IKZF3: variants seen among roughly 807,000 people sequenced by gnomAD.
IKZF3 encodes zinc finger protein Aiolos.
A neutral mutation model predicts 49.0 loss-of-function variants in IKZF3; 10 were observed. That is an observed-to-expected ratio of 0.20 (90% CI 0.13 to 0.35). The LOEUF (loss-of-function observed/expected upper bound fraction) is 0.35, where lower values mean the gene tolerates loss of function less well. Among genes scored for constraint, IKZF3 ranks in the 10% least tolerant of loss-of-function variants. The pLI, the probability that IKZF3 is intolerant of heterozygous loss-of-function variation, is 1.00. For synonymous variants in IKZF3, 209 were observed against 228.2 expected, an observed-to-expected ratio of 0.92 and a Z score of 0.76; for missense variants, 498 against 664.8, an observed-to-expected ratio of 0.75 and a Z score of 2.76.
At chr17:39,840,389 T>A (rs2062431958) in intron 1 of IKZF3, among the ~76,000 whole-genome samples, 1 of 152,218 alleles carries the variant, frequency 6.6e-6, no homozygotes, top group African/African-American at 2.4e-5. Context: ...AACAGGCTGC[T>A]TTTGGTCATT....
At chr17:39,797,727 C>T (rs2061208016) in intron 3 of IKZF3, among the ~76,000 whole-genome samples, 1 of 152,004 alleles carries the variant, frequency 6.6e-6, no homozygotes, top group East Asian at 1.9e-4. Flanking sequence ...CCGGCCCCTG[C>T]ACTCCTATTT....
Position 39,843,619 on chromosome 17 carries a change from A to C in IKZF3, c.8-11468T>G, listed in dbSNP as rs116264225. Among the ~76,000 whole-genome samples, 1,262 of 152,212 alleles carry C rather than the reference A, an allele frequency of 8.3e-3. 16 individuals are homozygous for C. Among genetic ancestry groups the C allele is most frequent in the African/African-American group, 0.029 (1,206 of 41,522 alleles). Reference sequence around the variant, plus strand: ...CATTTAAATAGCTCTCAATATTTTTAAAGTGTCCTTTGTGTACTGTAAATA... The same window carrying C: ...CATTTAAATAGCTCTCAATATTTTTCAAGTGTCCTTTGTGTACTGTAAATA... On this transcript the variant is annotated intron_variant, in intron 1 of 7. Coordinates refer to ENST00000346872, the MANE Select transcript of IKZF3 (RefSeq NM_012481.5).
At chr17:39,814,112 C>T (rs12943633) in intron 3 of IKZF3, among the ~76,000 whole-genome samples, 18,366 of 152,028 alleles carry the variant, frequency 0.12, 1,671 homozygotes, top group African/African-American at 0.25. Flanking sequence ...CAAAAGGGAC[C>T]GAGACTATGC....
At chr17:39,842,720 T>TA (rs1555640912) in intron 1 of IKZF3, among the ~76,000 whole-genome samples, 1 of 152,196 alleles carries the variant, frequency 6.6e-6, no homozygotes, top group Non-Finnish European at 1.5e-5. Flanking sequence ...AATAAATGAA[T>TA]AAATTAAAAG....
At chr17:39,815,257 G>A (rs983496644) in intron 3 of IKZF3, among the ~76,000 whole-genome samples, 3 of 152,338 alleles carry the variant, frequency 2.0e-5, no homozygotes, top group South Asian at 2.1e-4. Context: ...ACAAAAAGTC[G>A]CAAGAGTTCT....
intron 3 of IKZF3, among the ~76,000 whole-genome samples, chr17:39,817,169 C>T (rs6503523): frequency 1 from 152,053 of 152,348 alleles, 75,879 homozygotes; most frequent in Middle Eastern, 1. Flanking sequence ...AAATTTTCTA[C>T]AAAACAATTT....
Position 39,820,155 on chromosome 17 carries a change from G to A in IKZF3, c.163+9232C>T, listed in dbSNP as rs1420238303. 3.3e-5 allele frequency among the ~76,000 whole-genome samples: 5 copies of A among 152,190 alleles called. No individual in the cohort carries two copies. The East Asian group carries it at 9.6e-4, about 29-fold the overall frequency. Reference sequence around the variant, plus strand: ...AAATAGCCCAAGAAGGCTGGAAGGAGAGTAGACACTAAACAAAACTCCAAA... The same window carrying A: ...AAATAGCCCAAGAAGGCTGGAAGGAAAGTAGACACTAAACAAAACTCCAAA... On this transcript the variant is annotated intron_variant, in intron 3 of 7. Transcript: ENST00000346872.
intron 3 of IKZF3, among the ~76,000 whole-genome samples, chr17:39,808,318 C>T (rs749231793): frequency 2.6e-5 from 4 of 152,166 alleles, no homozygotes; most frequent in Non-Finnish European, 4.4e-5. Context: ...AGGGCACCCG[C>T]TACTTGACAG....
intron 1 of IKZF3, among the ~76,000 whole-genome samples, chr17:39,840,166 T>C (rs1238316797): frequency 6.6e-6 from 1 of 152,204 alleles, no homozygotes; most frequent in Non-Finnish European, 1.5e-5. Context: ...GTTTAGTTAT[T>C]TTAGCCTCAG....
At chr17:39,835,900 C>G (rs1247752256) in intron 1 of IKZF3, 1 of 650,322 alleles carries the variant, frequency 1.5e-6, no homozygotes, top group East Asian at 3.6e-5. Flanking sequence ...TCCACCAGCC[C>G]CTGCATGTTG....
intron 1 of IKZF3, among the ~76,000 whole-genome samples, chr17:39,841,074 G>A (rs1459337217): frequency 6.6e-6 from 1 of 152,180 alleles, no homozygotes; most frequent in Admixed American, 6.5e-5. Flanking sequence ...TCACTCGGGA[G>A]GCTGAGGTGG....
chr17:39,839,385 G>T, intron 1 of IKZF3: 1 of 602,056 alleles, frequency 1.7e-6, no homozygotes. Flanking sequence ...ACTCAGCTTG[G>T]TTCTTTTCCA....
intron 1 of IKZF3, among the ~76,000 whole-genome samples, chr17:39,856,079 A>C (rs1438323907): frequency 1.4e-5 from 2 of 147,874 alleles, no homozygotes; most frequent in Admixed American, 6.6e-5. Context: ...TATATTGTAT[A>C]TGTACAATAT....
intron 7 of IKZF3, among the ~76,000 whole-genome samples, chr17:39,774,130 C>G (rs1298821187): frequency 6.6e-6 from 1 of 152,154 alleles, no homozygotes; most frequent in African/African-American, 2.4e-5. Flanking sequence ...GTAATTATCG[C>G]CAGCCCGCCT....
chr17:39,795,105 G>C (rs2143918016), intron 3 of IKZF3, among the ~76,000 whole-genome samples: 1 of 152,350 alleles, frequency 6.6e-6, no homozygotes, highest in Admixed American at 6.5e-5. Context: ...TCTGAAAACA[G>C]AGGACATAAG....
intron 1 of IKZF3, among the ~76,000 whole-genome samples, chr17:39,846,388 T>C (rs2062631948): frequency 6.6e-6 from 1 of 152,090 alleles, no homozygotes; most frequent in Non-Finnish European, 1.5e-5. Flanking sequence ...TACTAAGAGA[T>C]GATAATTTCA....
chr17:39,863,992 C>G (rs538819176), intron 1 of IKZF3, 128 bp downstream of exon 1: 2 of 1,229,244 alleles, frequency 1.6e-6, no homozygotes, highest in East Asian at 2.4e-5. Flanking sequence ...TCTGAAATAC[C>G]TCATATTTAC....
intron 3 of IKZF3, among the ~76,000 whole-genome samples, chr17:39,821,581 C>T (rs1244361829): frequency 6.6e-6 from 1 of 152,172 alleles, no homozygotes; most frequent in Non-Finnish European, 1.5e-5. Context: ...GTGAAATACA[C>T]AATCCAATGG....
intron 1 of IKZF3, among the ~76,000 whole-genome samples, chr17:39,848,868 A>G (rs1954341273): frequency 6.6e-6 from 1 of 152,026 alleles, no homozygotes; most frequent in Non-Finnish European, 1.5e-5. Context: ...ATGTTTGGAG[A>G]GATGGGGTCT....
Sources: allele counts gnomAD v4.1 joint callset (sites outside exome capture counted in the v4.1 genomes callset), GRCh38; gene constraint gnomAD v4.1.1; transcripts MANE v1.5; gene names NCBI Gene and HGNC (gene_info 2026-07-23, HGNC 2026-07-21).